PCBP3: variants seen among roughly 807,000 people sequenced by gnomAD.
PCBP3 encodes the protein poly(rC) binding protein 3.
In PCBP3, 25 loss-of-function variants were observed where a neutral mutation model predicts 52.7. The observed-to-expected ratio is 0.47, with a 90% CI of 0.35 to 0.66. The LOEUF (loss-of-function observed/expected upper bound fraction) is 0.66, where lower values mean the gene tolerates loss of function less well. Ranked by LOEUF, PCBP3 falls within the 30% of genes least tolerant of loss-of-function variation. The pLI is 0.01. For synonymous variants in PCBP3, 162 were observed against 183.0 expected (o/e 0.89, Z 0.93); for missense variants, 391 against 490.3 (o/e 0.80, Z 1.91).
chr21:45,676,464 T>C (rs1429240974), intron 2 of PCBP3, among the ~76,000 whole-genome samples: 1 of 152,236 alleles, frequency 6.6e-6, no homozygotes, highest in Non-Finnish European at 1.5e-5. Context: ...TTCATGTCTC[T>C]GTGTCACATT....
intron 11 of PCBP3, 183 bp downstream of exon 11, chr21:45,911,213 G>A: frequency 1.4e-6 from 1 of 700,182 alleles, no homozygotes; most frequent in Non-Finnish European, 2.5e-6. Flanking sequence ...GGGGTGCTGG[G>A]GCTGCCAGCT....
At chr21:45,846,428 TG>T (rs370462019) in intron 4 of PCBP3, among the ~76,000 whole-genome samples, 262 of 150,108 alleles carry the variant, frequency 1.7e-3, no homozygotes, top group African/African-American at 6.3e-3. Context: ...GTTTTTTGTT[TG>T]TTTTTTTTTT....
rs1488041313 is a variant in PCBP3 at position 45,741,099 on chromosome 21, C to T, written c.-162+5670C>T. 3.9e-5 allele frequency among the ~76,000 whole-genome samples: 6 copies of T among 152,126 alleles called. No individual in the cohort carries two copies. The highest frequency in any genetic ancestry group is 7.4e-5 in the Non-Finnish European group (5 of 68,016). On this transcript the variant is annotated intron_variant, in intron 3 of 17. Transcript: ENST00000681687. The surrounding 1 kb of genome is among the most constrained non-coding windows in gnomAD (Gnocchi z 4.5). ...TTATTTGGCCCCAGAGCACTGGGAA[C>T]CTAGGAACAGACACAGGAGGGAGGG...
chr21:45,915,453 CAT>C (rs1335018846), intron 12 of PCBP3: 1 of 152,204 alleles, frequency 6.6e-6, no homozygotes, highest in Non-Finnish European at 1.5e-5. Flanking sequence ...ATGATGATAT[CAT>C]GTGGTAAAAG....
intron 13 of PCBP3, among the ~76,000 whole-genome samples, chr21:45,924,930 G>A (rs78957520): frequency 1.7e-3 from 45 of 26,688 alleles, no homozygotes; most frequent in African/African-American, 3.8e-3. Flanking sequence ...CACACGTAAG[G>A]TCGGGTGTGC....
chr21:45,941,559 G>T, intron 17 of PCBP3, 111 bp from the exon 18 acceptor site: 1 of 922,986 alleles, frequency 1.1e-6, no homozygotes, highest in Non-Finnish European at 1.7e-6. Context: ...AGCTGACCGG[G>T]ATGGCCTGTC....
intron 4 of PCBP3, among the ~76,000 whole-genome samples, chr21:45,822,669 G>A (rs980852166): frequency 3.3e-5 from 5 of 151,666 alleles, no homozygotes; most frequent in South Asian, 2.1e-4. Context: ...AGTGAGGGGC[G>A]GACCCAGCAG....
intron 1 of PCBP3, among the ~76,000 whole-genome samples, chr21:45,646,107 C>CTCTCTGTGTGTGTGTGTG (rs1555895746): frequency 1.3e-3 from 106 of 83,812 alleles, no homozygotes; most frequent in Admixed American, 1.5e-3. Flanking sequence ...CTCTCTCTCT[C>CTCTCTGTGTGTGTGTGTG]TGTGTGTGTG....
chr21:45,923,691 C>T (rs1252095267), intron 13 of PCBP3, among the ~76,000 whole-genome samples: 2 of 152,246 alleles, frequency 1.3e-5, no homozygotes, highest in Admixed American at 6.5e-5. Context: ...TTCCAAGAGA[C>T]ACACAGAGAA....
intron 3 of PCBP3, chr21:45,750,666 T>A (rs1406522842): frequency 6.6e-6 from 1 of 152,202 alleles, no homozygotes; most frequent in African/African-American, 2.4e-5. Flanking sequence ...CACACCCATC[T>A]TGTACCTAAC....
At chr21:45,899,203 A>G (rs1352175702) in intron 6 of PCBP3, among the ~76,000 whole-genome samples, 1 of 152,224 alleles carries the variant, frequency 6.6e-6, no homozygotes, top group East Asian at 1.9e-4. Context: ...TGCAGTGCTA[A>G]GTTTTCTTTA....
At chr21:45,702,103 G>C (rs1027822730) in intron 2 of PCBP3, among the ~76,000 whole-genome samples, 9 of 152,158 alleles carry the variant, frequency 5.9e-5, no homozygotes, top group African/African-American at 2.2e-4. Flanking sequence ...TATTGTAGAT[G>C]TTCTTGTTAG....
rs190146552 is a variant in PCBP3, at chr21:45,775,866, C to T, written c.-126+20414C>T. Among the ~76,000 whole-genome samples, 422 of 152,248 alleles carry T rather than the reference C, an allele frequency of 2.8e-3. 3 individuals are homozygous for T. Among genetic ancestry groups the T allele is most frequent in the Middle Eastern group, 0.01 (3 of 294 alleles). On this transcript the variant is annotated intron_variant, in intron 4 of 17. Transcript: ENST00000681687. ...TCCTCTGATTTTTATTATTTCTTCT[C>T]TTCTGCTAATTTGGGGTTCAGTTTG...
chr21:45,692,725 C>G (rs898850476), intron 2 of PCBP3, among the ~76,000 whole-genome samples: 1 of 152,132 alleles, frequency 6.6e-6, no homozygotes, highest in African/African-American at 2.4e-5. Context: ...AATACTGATT[C>G]TACCCAGACT....
intron 5 of PCBP3, among the ~76,000 whole-genome samples, chr21:45,891,274 T>C (rs543088223): frequency 7.9e-4 from 121 of 152,334 alleles, no homozygotes; most frequent in South Asian, 2.7e-3. Context: ...GAAATGGAAG[T>C]GCTTCCATGA....
intron 2 of PCBP3, among the ~76,000 whole-genome samples, chr21:45,723,473 A>G (rs2084808847): frequency 6.6e-6 from 1 of 152,252 alleles, no homozygotes. Flanking sequence ...TAAAATTTTA[A>G]TAAGTTCATG....
In PCBP3 at chr21:45,909,491, C is replaced by T. The variant is rs1452080794; in HGVS notation, c.471+5C>T. 1.9e-6 allele frequency: 3 copies of T among 1,611,884 alleles called. No individual in the cohort carries two copies. Among genetic ancestry groups the T allele is most frequent in the Non-Finnish European group, 2.5e-6 (3 of 1,179,316 alleles). ...AAGATCAAGGAGATCAGGGAGGTAA[C>T]AGGACCTTCCCAGCCTGGGCCGCTG... On this transcript the variant is annotated splice_donor_5th_base_variant and intron_variant, in intron 10 of 17. Transcript: ENST00000681687.
chr21:45,678,775 A>G (rs2081629433), intron 2 of PCBP3, among the ~76,000 whole-genome samples: 1 of 151,890 alleles, frequency 6.6e-6, no homozygotes, highest in African/African-American at 2.4e-5. Flanking sequence ...TTAGAATATT[A>G]ATATTACATA....
chr21:45,908,957 C>T (rs930475562), intron 9 of PCBP3, among the ~76,000 whole-genome samples: 36 of 152,178 alleles, frequency 2.4e-4, no homozygotes, highest in African/African-American at 8.0e-4. Context: ...CCCGACATCC[C>T]TGCCTTACCT....
Sources: gnomAD v4.1 joint callset for allele counts (sites outside exome capture counted in the v4.1 genomes callset) on GRCh38, gnomAD v4.1.1 for gene constraint, Gnocchi (gnomAD v3.1) non-coding constraint, MANE v1.5 for transcripts, NCBI Gene and HGNC (gene_info 2026-07-23, HGNC 2026-07-21) for gene names.